CCDC187: variants seen among roughly 807,000 people sequenced by gnomAD.
CCDC187 encodes coiled-coil domain-containing protein 187.
CCDC187 carries 32 observed loss-of-function variants against 38.0 expected under a neutral mutation model. The observed-to-expected ratio is 0.84, with a 90% CI of 0.64 to 1.13. The LOEUF (loss-of-function observed/expected upper bound fraction) is 1.13, where lower values mean the gene tolerates loss of function less well. Among genes scored for constraint, CCDC187 ranks in the 50% most tolerant of loss-of-function variants. The probability of loss-of-function intolerance (pLI) is 0.00; values close to 1 mark genes in which losing one functional copy is unlikely to be tolerated. For synonymous variants in CCDC187, 333 were observed against 347.9 expected (o/e 0.96, Z 0.48); for missense variants, 707 against 786.8 (o/e 0.90, Z 1.21).
intron 10 of CCDC187, 155 bp downstream of exon 10, chr9:136,281,396 C>G (rs1018644105): frequency 2.5e-6 from 1 of 398,440 alleles, no homozygotes; most frequent in African/African-American, 2.1e-5. Flanking sequence ...GCCTCTAAAA[C>G]CTTTAATAAC....
rs1831143784 is a variant in CCDC187, at chr9:136,285,125, T to C, written c.2927+388A>G. On this transcript the variant is annotated intron_variant, in intron 9 of 25. Coordinates refer to ENST00000638797, the MANE Select transcript of CCDC187 (RefSeq NM_001378188.1). ...TGGGAGCCAGGTGTGTGAGGCTCCA[T>C]GGACAGGCAGCCCTGAGAGCTCAGG... Among the ~76,000 whole-genome samples the C allele has an allele frequency of 2.0e-5, 3 of 151,928 alleles. No homozygotes were observed. In the South Asian group the frequency reaches 6.2e-4, roughly 31 times the overall value.
chr9:136,274,257 G>A (rs1830889040), intron 14 of CCDC187, among the ~76,000 whole-genome samples: 1 of 152,236 alleles, frequency 6.6e-6, no homozygotes. Context: ...ACAGCAGCCT[G>A]TGCTCACCTG....
Position 136,263,902 on chromosome 9 carries a change from C to A in CCDC187, c.3736-104G>T, listed in dbSNP as rs1250305584. 2.0e-5 allele frequency: 16 copies of A among 806,054 alleles called. No homozygotes were observed. The African/African-American group carries it at 3.0e-4, about 15-fold the overall frequency. The allele number at this position is 806,054 out of a possible 1,614,324, so 49.9% of individuals were successfully genotyped here. A position where few individuals can be genotyped will look rare whatever the true frequency, so the allele number is the denominator to read the frequency against. ...CTGGGGGGATGCCCTGGCCCTCACA[C>A]TGGGAGGCCTCCCTTTCCCTCCAAT... On this transcript the variant is annotated intron_variant, in intron 17 of 25. Transcript: ENST00000638797.
rs1371175938 is a variant in CCDC187 at position 136,293,223 on chromosome 9, TCA to T, written c.833-930_833-929del. 2.5e-4 allele frequency among the ~76,000 whole-genome samples: 19 copies of T among 76,526 alleles called. 1 individual carries two copies. The South Asian group carries it at 4.7e-3, about 19-fold the overall frequency. 50.2% of individuals were successfully genotyped at this position (76,526 alleles called of 152,430 possible). On this transcript the variant is annotated intron_variant, in intron 4 of 25. Coordinates refer to ENST00000638797, the MANE Select transcript of CCDC187 (RefSeq NM_001378188.1). ...CACTCACAAACACATGCTCACACAC[TCA>T]CACTCACACGCTCACACTCACATGC...
chr9:136,270,612 G>C (rs1246562958), intron 14 of CCDC187, among the ~76,000 whole-genome samples: 1 of 152,220 alleles, frequency 6.6e-6, no homozygotes, highest in Non-Finnish European at 1.5e-5. Context: ...ACAGGGAGGG[G>C]TTTAGGCCTC....
intron 7 of CCDC187, among the ~76,000 whole-genome samples, chr9:136,288,589 C>T (rs1333098398): frequency 6.6e-6 from 1 of 152,200 alleles, no homozygotes; most frequent in African/African-American, 2.4e-5. Flanking sequence ...TTGCCACTGG[C>T]CTGAAGCTGG....
chr9:136,253,759 A>G lies in CCDC187; in HGVS notation c.6069T>C (p.Ser2023=). 1.0e-6 allele frequency: 1 copy of G among 985,152 alleles called. No individual in the cohort carries two copies. The highest frequency in any genetic ancestry group is 1.2e-6 in the Non-Finnish European group (1 of 829,888). The allele number at this position is 985,152 out of a possible 1,614,324, so 61.0% of individuals were successfully genotyped here. The change falls in exon 26 of 26, where the codon AGT becomes AGC. Residue 2023 remains serine (S), a synonymous_variant. Transcript: ENST00000638797. ...AGCATGGGTTGGTGTCTTCACCATC[A>G]CTCTGTGCTTGGGGAGTGGGAGGAG... ...PPPPPTPQAQ[S]DGEDTNPCSD...
At position 136,275,546 on chromosome 9, in the gene CCDC187, G is replaced by A. The variant is rs1291643164; in HGVS notation, c.3226-539C>T. Among the ~76,000 whole-genome samples, 7 of 152,124 alleles carry A rather than the reference G, an allele frequency of 4.6e-5. 1 individual carries two copies. Among genetic ancestry groups the A allele is most frequent in the Admixed American group, 2.6e-4 (4 of 15,276 alleles). On this transcript the variant is annotated intron_variant, in intron 12 of 25. Transcript: ENST00000638797. The stretch of plus-strand genomic sequence containing the variant: ...CTGGAGATGCCCCCCAACATGTACC[G>A]TGGATGTACTTCCCACCATCGACCC...
intron 4 of CCDC187, among the ~76,000 whole-genome samples, chr9:136,294,106 A>G (rs1343544055): frequency 4.2e-4 from 40 of 94,804 alleles, no homozygotes; most frequent in African/African-American, 1.7e-3. Flanking sequence ...TCAAGTGCTC[A>G]CACTCACACA....
Position 136,256,299 on chromosome 9 carries a change from C to T in CCDC187, c.4528G>A (p.Glu1510Lys), listed in dbSNP as rs1185883946. Residue 1510 changes from glutamate (E) to lysine (K), a missense_variant, in exon 24 of 26, where the codon GAA becomes AAA. Physicochemically the swap from Glu to Lys is moderately conservative, Grantham distance 56. Coordinates refer to ENST00000638797, the MANE Select transcript of CCDC187 (RefSeq NM_001378188.1). ...ASQVAEDSMS[E>K]EGLESGLDFA... ...TCCAGCCCCGATTCCAAGCCCTCTTCGCTCATGCTGTCCTCAGCCACCTGC... is the reference window on the plus strand; with the variant it reads ...TCCAGCCCCGATTCCAAGCCCTCTTTGCTCATGCTGTCCTCAGCCACCTGC... The T allele has an allele frequency of 4.1e-6, 4 of 985,448 alleles. No individual in the cohort carries two copies. The highest frequency in any genetic ancestry group is 4.7e-5 in the South Asian group (1 of 21,292). 61.0% of individuals were successfully genotyped at this position (985,448 alleles called of 1,614,324 possible).
chr9:136,266,179 G>A, intron 16 of CCDC187, 136 bp from the exon 17 acceptor site: 3 of 330,780 alleles, frequency 9.1e-6, no homozygotes, highest in Non-Finnish European at 1.3e-5. Flanking sequence ...CAGGGAGGAC[G>A]CAGCCATGCG....
At chr9:136,301,677 C>T (rs1002043680) in intron 2 of CCDC187, among the ~76,000 whole-genome samples, 8 of 149,778 alleles carry the variant, frequency 5.3e-5, no homozygotes, top group Non-Finnish European at 1.2e-4. Context: ...AGCTCCGCCT[C>T]CTGGATTCAC....
intron 3 of CCDC187, among the ~76,000 whole-genome samples, chr9:136,298,043 A>T (rs888250353): frequency 0.011 from 1,632 of 151,082 alleles, 37 homozygotes; most frequent in African/African-American, 0.038. Context: ...CTGCCTGGGG[A>T]CTGCCGCTGG....
chr9:136,278,563 A>G (rs1428912538), intron 10 of CCDC187, among the ~76,000 whole-genome samples: 1 of 152,190 alleles, frequency 6.6e-6, no homozygotes, highest in Non-Finnish European at 1.5e-5. Context: ...AGCTGTGAGG[A>G]TGCAATGGGA....
At chr9:136,300,943 T>G (rs1029098267) in intron 2 of CCDC187, among the ~76,000 whole-genome samples, 1,829 of 152,316 alleles carry the variant, frequency 0.012, 20 homozygotes, top group Non-Finnish European at 0.017. Flanking sequence ...GTTCCAGGCC[T>G]GAGAATGCAT....
intron 2 of CCDC187, among the ~76,000 whole-genome samples, chr9:136,300,792 G>A (rs1355122437): frequency 6.6e-6 from 1 of 152,268 alleles, no homozygotes; most frequent in Non-Finnish European, 1.5e-5. Flanking sequence ...TAGAGACGGG[G>A]TTTCACCCAT....
At chr9:136,299,491 T>C (rs1272271884) in intron 3 of CCDC187, among the ~76,000 whole-genome samples, 3 of 152,200 alleles carry the variant, frequency 2.0e-5, no homozygotes, top group Non-Finnish European at 4.4e-5. Context: ...GCCTCAGGAA[T>C]CTTGCCGGCG....
At position 136,267,376 on chromosome 9, in the gene CCDC187, G is replaced by T; in HGVS notation, c.3647+8C>A. 1.0e-6 allele frequency: 1 copy of T among 985,346 alleles called. No homozygotes were observed. Among genetic ancestry groups the T allele is most frequent in the South Asian group, 4.7e-5 (1 of 21,294 alleles). The allele number at this position is 985,346 out of a possible 1,614,324, so 61.0% of individuals were successfully genotyped here. On this transcript the variant is annotated splice_region_variant and intron_variant, in intron 16 of 25. Coordinates refer to ENST00000638797, the MANE Select transcript of CCDC187 (RefSeq NM_001378188.1). The stretch of plus-strand genomic sequence containing the variant: ...GGGGCGGGGCCGGCGCCAGGCGCAT[G>T]CGCTCACCCTCGTCGATGCTCCAGC...
chr9:136,280,409 G>T (rs1831015519), intron 10 of CCDC187, among the ~76,000 whole-genome samples: 2 of 152,204 alleles, frequency 1.3e-5, no homozygotes, highest in Admixed American at 1.3e-4. Context: ...TCCCAGGGGA[G>T]GGGCCGGGGT....
Sources: gnomAD v4.1 joint callset for allele counts (sites outside exome capture counted in the v4.1 genomes callset) on GRCh38, gnomAD v4.1.1 for gene constraint, MANE v1.5 for transcripts, NCBI Gene and HGNC (gene_info 2026-07-23, HGNC 2026-07-21) for gene names.